The following GPR39 variants were observed in gnomAD, a reference collection of about 807,000 sequenced individuals.
The protein encoded by GPR39 is zinc sensing receptor.
Under a neutral mutation model 18.4 loss-of-function variants are expected in GPR39, and 23 were observed. The observed-to-expected ratio is 1.25, with a 90% CI of 0.90 to 1.77. The LOEUF is 1.77. Among genes scored for constraint, GPR39 ranks in the 40% most tolerant of loss-of-function variants. GPR39 has a pLI of 0.00. For missense variants in GPR39, 647 were observed against 602.4 expected, an observed-to-expected ratio of 1.07 and a Z score of -0.78; for synonymous variants, 280 against 257.9, an observed-to-expected ratio of 1.09 and a Z score of -0.82.
intron 1 of GPR39, among the ~76,000 whole-genome samples, chr2:132,627,329 C>T (rs1681567868): frequency 6.6e-6 from 1 of 152,308 alleles, no homozygotes; most frequent in East Asian, 1.9e-4. Context: ...TTTAGGCAGG[C>T]ATGAAAACTG....
chr2:132,475,153 A>G (rs1393263785), intron 1 of GPR39, among the ~76,000 whole-genome samples: 1 of 152,052 alleles, frequency 6.6e-6, no homozygotes, highest in African/African-American at 2.4e-5. Flanking sequence ...TTGAATCCCA[A>G]GTCTCAGGTT....
intron 1 of GPR39, among the ~76,000 whole-genome samples, chr2:132,588,700 A>G (rs1680774141): frequency 1.3e-5 from 2 of 152,180 alleles, no homozygotes; most frequent in African/African-American, 2.4e-5. Context: ...GTTCCAGTGA[A>G]CAAGGAAGAA....
intron 1 of GPR39, among the ~76,000 whole-genome samples, chr2:132,495,003 G>T (rs899498864): frequency 1.3e-5 from 2 of 152,168 alleles, no homozygotes; most frequent in African/African-American, 4.8e-5. Flanking sequence ...AGGGGAAGTG[G>T]GGATGTGATC....
At chr2:132,507,813 A>C (rs1337197481) in intron 1 of GPR39, among the ~76,000 whole-genome samples, 1 of 152,218 alleles carries the variant, frequency 6.6e-6, no homozygotes, top group African/African-American at 2.4e-5. Context: ...ACTGTGAGTG[A>C]TGCAAATCAG....
intron 1 of GPR39, among the ~76,000 whole-genome samples, chr2:132,515,189 G>A (rs1679310227): frequency 1.3e-5 from 2 of 152,268 alleles, no homozygotes; most frequent in South Asian, 4.1e-4. Context: ...TTCTGCCAAG[G>A]TTTCCACCAC....
At chr2:132,528,185 G>A (rs998675674) in intron 1 of GPR39, among the ~76,000 whole-genome samples, 1 of 152,186 alleles carries the variant, frequency 6.6e-6, no homozygotes, top group African/African-American at 2.4e-5. Context: ...ATTAAATGGG[G>A]AATCCTTTCT....
chr2:132,599,910 C>T (rs969392015), intron 1 of GPR39, among the ~76,000 whole-genome samples: 3 of 152,200 alleles, frequency 2.0e-5, no homozygotes, highest in Non-Finnish European at 4.4e-5. Context: ...AATAACACCA[C>T]AGATCTGCTC....
At chr2:132,536,079 T>A (rs2104780851) in intron 1 of GPR39, among the ~76,000 whole-genome samples, 1 of 152,172 alleles carries the variant, frequency 6.6e-6, no homozygotes, top group South Asian at 2.1e-4. Flanking sequence ...CCTTCAGTTC[T>A]GGTCTGATCT....
intron 1 of GPR39, among the ~76,000 whole-genome samples, chr2:132,471,652 GTTT>G (rs60886637): frequency 7.2e-6 from 1 of 138,480 alleles, no homozygotes; most frequent in East Asian, 2.1e-4. Flanking sequence ...CCAGCAAGGA[GTTT>G]TTTTTTTTTT....
At chr2:132,421,434 G>A (rs373645454) in intron 1 of GPR39, among the ~76,000 whole-genome samples, 1 of 144,856 alleles carries the variant, frequency 6.9e-6, no homozygotes, top group Non-Finnish European at 1.5e-5. Context: ...TTCAACTATA[G>A]TTATGAAAAA....
At chr2:132,441,620 C>A (rs1284299167) in intron 1 of GPR39, among the ~76,000 whole-genome samples, 1 of 152,190 alleles carries the variant, frequency 6.6e-6, no homozygotes, top group Non-Finnish European at 1.5e-5. Context: ...CACTTGACTT[C>A]TTTTTCTTTT....
rs753477887 is a variant in GPR39, at chr2:132,645,278, C to T, written c.1034C>T (p.Thr345Met). 15 of 1,614,212 alleles carry T rather than the reference C, an allele frequency of 9.3e-6. No homozygotes were observed. The highest frequency in any genetic ancestry group is 2.7e-5 in the African/African-American group (2 of 75,054). Reference protein sequence around the residue: ...LSSVINPLLYTVSSQQFRRVF... With the variant: ...LSSVINPLLYMVSSQQFRRVF... ...TCGGTCATCAACCCGCTCCTGTACA[C>T]GGTGTCCTCGCAGCAGTTTCGGCGG... The change falls in exon 2 of 2, where the codon ACG becomes ATG. Residue 345 changes from threonine to methionine, a missense_variant. By Grantham distance (81) the Thr-to-Met change is moderately conservative. This residue lies in a region of GPR39 where 581 missense variants were observed against 506.8 expected (regional missense o/e 1.15). Transcript: ENST00000329321.
At chr2:132,489,409 A>T (rs753083487) in intron 1 of GPR39, among the ~76,000 whole-genome samples, 3 of 151,986 alleles carry the variant, frequency 2.0e-5, no homozygotes, top group Non-Finnish European at 4.4e-5. Flanking sequence ...AGCTCTGGTG[A>T]CTGTGACTGG....
intron 1 of GPR39, among the ~76,000 whole-genome samples, chr2:132,493,034 T>C (rs1681531125): frequency 7.7e-6 from 1 of 130,286 alleles, no homozygotes; most frequent in South Asian, 2.5e-4. Flanking sequence ...ATATATACCA[T>C]ATATATACCA....
At chr2:132,493,001 C>T (rs1681528999) in intron 1 of GPR39, among the ~76,000 whole-genome samples, 1 of 129,720 alleles carries the variant, frequency 7.7e-6, no homozygotes, top group Non-Finnish European at 1.6e-5. Context: ...ATAGATATAC[C>T]ATATATACAC....
intron 1 of GPR39, among the ~76,000 whole-genome samples, chr2:132,585,901 A>G (rs937594063): frequency 1.4e-5 from 2 of 147,850 alleles, no homozygotes; most frequent in African/African-American, 5.0e-5. Flanking sequence ...GAGGGGGCCA[A>G]AGAGAGAAAT....
chr2:132,493,377 A>G (rs1681554180), intron 1 of GPR39, among the ~76,000 whole-genome samples: 1 of 145,090 alleles, frequency 6.9e-6, no homozygotes, highest in Non-Finnish European at 1.5e-5. Flanking sequence ...CTATATATAT[A>G]CACACCGTAT....
Position 132,585,623 on chromosome 2 carries a change from G to A in GPR39, c.857-59478G>A, listed in dbSNP as rs910612010. 3.9e-5 allele frequency among the ~76,000 whole-genome samples: 6 copies of A among 152,302 alleles called. No individual in the cohort carries two copies. In the South Asian group the frequency reaches 1.2e-3, roughly 32 times the overall value. ...GGGCTCCCTGCTCCGGCCGCCCCCG[G>A]GATGCGTGTTGTAGGCACTGGCGTG... On this transcript the variant is annotated intron_variant, in intron 1 of 1. Transcript: ENST00000329321.
At chr2:132,637,451 G>A (rs1681782742) in intron 1 of GPR39, among the ~76,000 whole-genome samples, 1 of 152,210 alleles carries the variant, frequency 6.6e-6, no homozygotes, top group Non-Finnish European at 1.5e-5. Flanking sequence ...CTGGAACAAG[G>A]ATGAGACATC....
Sources: gnomAD v4.1 joint callset for allele counts (sites outside exome capture counted in the v4.1 genomes callset) on GRCh38, gnomAD v4.1.1 for gene constraint, gnomAD v4.1.1 regional missense constraint, MANE v1.5 for transcripts, NCBI Gene and HGNC (gene_info 2026-07-23, HGNC 2026-07-21) for gene names.